SPTLC2: variants seen among roughly 807,000 people sequenced by gnomAD.
The protein encoded by SPTLC2 is serine palmitoyltransferase 2.
A neutral mutation model predicts 62.0 loss-of-function variants in SPTLC2; 21 were observed. That is an observed-to-expected ratio of 0.34 (90% CI 0.24 to 0.49). The LOEUF (loss-of-function observed/expected upper bound fraction) is 0.49, where lower values mean the gene tolerates loss of function less well. SPTLC2 is among the 20% of genes least tolerant of loss of function. SPTLC2 has a pLI of 0.99. For missense variants in SPTLC2, 511 were observed against 713.0 expected (o/e 0.72, Z 3.23); for synonymous variants, 261 against 261.8 (o/e 1.00, Z 0.03).
At chr14:77,601,520 T>C (rs1595015830) in intron 1 of SPTLC2, among the ~76,000 whole-genome samples, 1 of 151,850 alleles carries the variant, frequency 6.6e-6, no homozygotes, top group East Asian at 1.9e-4. Flanking sequence ...ATAAACAGCC[T>C]TGTTGCTCAC....
intron 5 of SPTLC2, among the ~76,000 whole-genome samples, chr14:77,563,441 T>C (rs1229903065): frequency 6.6e-6 from 1 of 152,136 alleles, no homozygotes; most frequent in Non-Finnish European, 1.5e-5. Context: ...TGTGTATGTG[T>C]GTGTGTGAGA....
intron 6 of SPTLC2, 120 bp downstream of exon 6, chr14:77,562,276 A>C: frequency 1.1e-6 from 1 of 874,294 alleles, no homozygotes; most frequent in Non-Finnish European, 1.9e-6. Context: ...GAACATTTTA[A>C]ATGTTGCTAC....
At chr14:77,578,836 AT>A in intron 3 of SPTLC2, 118 bp downstream of exon 3, 2 of 1,048,478 alleles carry the variant, frequency 1.9e-6, no homozygotes, top group Admixed American at 1.9e-5. Flanking sequence ...AACCAATCAT[AT>A]TGTATCCTCA....
chr14:77,533,977 G>A (rs8017338), intron 9 of SPTLC2, among the ~76,000 whole-genome samples: 3,489 of 152,140 alleles, frequency 0.023, 126 homozygotes, highest in African/African-American at 0.08. Flanking sequence ...TGGGCAACAT[G>A]GCAAAACCCC....
Position 77,555,435 on chromosome 14 carries a change from G to A in SPTLC2, c.1041C>T (p.His347=), listed in dbSNP as rs759878088. 1 of 1,614,184 alleles carries A rather than the reference G, an allele frequency of 6.2e-7. No individual in the cohort carries two copies. Among genetic ancestry groups the A allele is most frequent in the Non-Finnish European group, 8.5e-7 (1 of 1,180,038 alleles). The part of the protein sequence containing the change: ...YKAYLYLDEA[H]SIGALGPTGR... ...CTGTGGGGCCCAGGGCGCCAATGCT[G>A]TGAGCCTCATCCAGATACAAGTATG... The change falls in exon 8 of 12, where the codon CAC becomes CAT. Residue 347 remains histidine, a synonymous_variant. Coordinates refer to ENST00000216484, the MANE Select transcript of SPTLC2 (RefSeq NM_004863.4).
In SPTLC2 at chr14:77,520,138, C is replaced by A. The variant is rs369704704; in HGVS notation, c.1439+1308G>T. Among the ~76,000 whole-genome samples the A allele has an allele frequency of 3.7e-3, 85 of 22,990 alleles. 1 individual carries two copies. The South Asian group carries it at 0.12, about 34-fold the overall frequency. 15.1% of individuals were successfully genotyped at this position (22,990 alleles called of 152,430 possible). A position where few individuals can be genotyped will look rare whatever the true frequency, so the allele number is the denominator to read the frequency against. The stretch of plus-strand genomic sequence containing the variant: ...CCTATGTAGAATAAAGGAGACACAG[C>A]CTTCTTTAAAGAGAGCTCTAGACTG... On this transcript the variant is annotated intron_variant, in intron 10 of 11. Transcript: ENST00000216484.
At chr14:77,521,037 C>T (rs1274508060) in intron 10 of SPTLC2, among the ~76,000 whole-genome samples, 4 of 152,204 alleles carry the variant, frequency 2.6e-5, no homozygotes, top group Admixed American at 2.0e-4. Context: ...ATAGTGTTAT[C>T]GGCCCGCCCA....
At position 77,518,137 on chromosome 14, in the gene SPTLC2, G is replaced by A. The variant is rs374657234; in HGVS notation, c.1470C>T (p.Asn490=). The part of the protein sequence containing the change: ...GAFGREMLKR[N]IGVVVVGFPA... ...GAAATCCAACCACAACGACACCGAT[G>A]TTCCGCTTCAGCATCTCCCGTCCAA... The change falls in exon 11 of 12, where the codon AAC becomes AAT. Residue 490 remains asparagine, a synonymous_variant. Transcript: ENST00000216484. 2.8e-5 allele frequency: 45 copies of A among 1,613,994 alleles called. No individual in the cohort carries two copies. The highest frequency in any genetic ancestry group is 5.0e-5 in the Admixed American group (3 of 59,992).
intron 9 of SPTLC2, among the ~76,000 whole-genome samples, chr14:77,523,348 T>C (rs1566768101): frequency 6.6e-6 from 1 of 152,186 alleles, no homozygotes; most frequent in Non-Finnish European, 1.5e-5. Context: ...TGCAGGCTGC[T>C]GCACAGGGAA....
intron 7 of SPTLC2, 119 bp downstream of exon 7, chr14:77,556,922 C>A: frequency 1.3e-6 from 1 of 798,584 alleles, no homozygotes; most frequent in South Asian, 1.5e-5. Flanking sequence ...ATTTTAGCGA[C>A]TTATAAACAC....
chr14:77,516,747 T>A (rs1048802602), intron 11 of SPTLC2, among the ~76,000 whole-genome samples: 1 of 152,214 alleles, frequency 6.6e-6, no homozygotes, highest in African/African-American at 2.4e-5. Flanking sequence ...GTATTCGACA[T>A]GGAAAAATTT....
chr14:77,601,202 C>T (rs117064615), intron 1 of SPTLC2, among the ~76,000 whole-genome samples: 13,564 of 152,234 alleles, frequency 0.089, 812 homozygotes, highest in Admixed American at 0.18. Context: ...ACGTATACAT[C>T]TAGCTGGCCT....
At chr14:77,564,031 C>G (rs1292723475) in intron 5 of SPTLC2, among the ~76,000 whole-genome samples, 1 of 151,812 alleles carries the variant, frequency 6.6e-6, no homozygotes, top group Non-Finnish European at 1.5e-5. Flanking sequence ...GTGGGTGGAT[C>G]ACTTGAGGTC....
chr14:77,578,812 A>T, intron 3 of SPTLC2, 143 bp downstream of exon 3: 1 of 786,430 alleles, frequency 1.3e-6, no homozygotes. Flanking sequence ...TCAACAATGA[A>T]GAATATGTAA....
At chr14:77,580,946 G>A (rs888481696) in intron 2 of SPTLC2, among the ~76,000 whole-genome samples, 3 of 152,218 alleles carry the variant, frequency 2.0e-5, no homozygotes, top group Admixed American at 6.5e-5. Context: ...AGATTAAGTT[G>A]TACTAAAACT....
In SPTLC2 at chr14:77,518,172, A is replaced by C. The variant is rs556451968; in HGVS notation, c.1440-5T>G. 16 of 1,614,170 alleles carry C rather than the reference A, an allele frequency of 9.9e-6. No individual in the cohort carries two copies. Among genetic ancestry groups the C allele is most frequent in the East Asian group, 4.5e-5 (2 of 44,876 alleles). On this transcript the variant is annotated splice_region_variant and splice_polypyrimidine_tract_variant and intron_variant, in intron 10 of 11. Transcript: ENST00000216484. ...AGCATCTCCCGTCCAAAGGCGCTGC[A>C]AAGGGGAAAACAAGAACAGAAACCA...
At chr14:77,537,945 G>A (rs747828420) in intron 9 of SPTLC2, among the ~76,000 whole-genome samples, 25 of 151,940 alleles carry the variant, frequency 1.6e-4, no homozygotes, top group Non-Finnish European at 2.9e-4. Flanking sequence ...CCGACCCTTC[G>A]GCTTAGCCTT....
At chr14:77,610,992 C>CAA (rs61504970) in intron 1 of SPTLC2, among the ~76,000 whole-genome samples, 25,073 of 106,558 alleles carry the variant, frequency 0.24, 3,740 homozygotes, top group East Asian at 0.38. Flanking sequence ...CCCATCTCTA[C>CAA]AAAAAAAAAA....
At chr14:77,576,992 C>T in intron 3 of SPTLC2, 77 bp from the exon 4 acceptor site, 1 of 1,530,034 alleles carries the variant, frequency 6.5e-7, no homozygotes, top group East Asian at 2.3e-5. Context: ...GAACTGGTGA[C>T]ACAAAAGGAA....
Sources: allele counts gnomAD v4.1 joint callset (sites outside exome capture counted in the v4.1 genomes callset), GRCh38; gene constraint gnomAD v4.1.1; transcripts MANE v1.5; gene names NCBI Gene and HGNC (gene_info 2026-07-23, HGNC 2026-07-21).